GFM1: variants seen among roughly 807,000 people sequenced by gnomAD.
GFM1 encodes the protein elongation factor G, mitochondrial.
GFM1 carries 62 observed loss-of-function variants against 96.2 expected under a neutral mutation model. The observed-to-expected ratio is 0.64, with a 90% confidence interval of 0.53 to 0.80. GFM1 has a LOEUF of 0.80. Among genes scored for constraint, GFM1 ranks in the 30% least tolerant of loss-of-function variants. The probability of loss-of-function intolerance (pLI) is 0.00; values close to 1 mark genes in which losing one functional copy is unlikely to be tolerated. For missense variants in GFM1, 852 were observed against 916.6 expected, an observed-to-expected ratio of 0.93 and a Z score of 0.91; for synonymous variants, 282 against 312.9, an observed-to-expected ratio of 0.90 and a Z score of 1.04.
chr3:158,646,924 A>G lies in GFM1; in HGVS notation c.549A>G (p.Pro183=). ...AATTGGACCGAATGGGCTCCAACCC[A>G]GCCAGGGCCCTGCAGCAAATGAGGT... is the stretch of plus-strand genomic sequence containing the variant. The part of the protein sequence containing the change: ...INKLDRMGSN[P]ARALQQMRSK... Residue 183 remains proline, a synonymous_variant, in exon 4 of 18, where the codon CCA becomes CCG. Coordinates refer to ENST00000486715, the MANE Select transcript of GFM1 (RefSeq NM_024996.7). The G allele has an allele frequency of 6.2e-7, 1 of 1,614,138 alleles. No individual in the cohort carries two copies. Among genetic ancestry groups the G allele is most frequent in the Non-Finnish European group, 8.5e-7 (1 of 1,179,984 alleles).
At position 158,691,918 on chromosome 3, in the gene GFM1, TTTG is replaced by T. The variant is rs367730845; in HGVS notation, c.*454_*456del. 0.17 allele frequency: 29,626 copies of T among 171,942 alleles called. 2,646 individuals are homozygous for T. Among genetic ancestry groups the T allele is most frequent in the Non-Finnish European group, 0.21 (16,627 of 80,158 alleles). 10.7% of individuals were successfully genotyped at this position (171,942 alleles called of 1,614,324 possible). A position where few individuals can be genotyped will look rare whatever the true frequency, so the allele number is the denominator to read the frequency against. On this transcript the variant is annotated 3_prime_UTR_variant, in exon 18 of 18. Coordinates refer to ENST00000486715, the MANE Select transcript of GFM1 (RefSeq NM_024996.7). ...TAACGGGTTGTTTATCATATAATAA[TTTG>T]TTTTGTCATATTTGCTTTCACTGTC...
chr3:158,681,186 A>G (rs576024997), intron 13 of GFM1, among the ~76,000 whole-genome samples: 1 of 152,268 alleles, frequency 6.6e-6, no homozygotes, highest in Non-Finnish European at 1.5e-5. Context: ...GCAGTCATTA[A>G]TGTCTATTTT....
chr3:158,655,093 A>G (rs1460122389), intron 8 of GFM1, among the ~76,000 whole-genome samples: 5 of 152,334 alleles, frequency 3.3e-5, no homozygotes, highest in Admixed American at 3.3e-4. Flanking sequence ...TAAGGAACTA[A>G]TGAAGGGTAG....
In GFM1 at chr3:158,684,740, GT is replaced by G; in HGVS notation, c.1909+76del. 2.0e-6 allele frequency: 3 copies of G among 1,513,970 alleles called. No homozygotes were observed. The East Asian group carries it at 6.8e-5, about 34-fold the overall frequency. The allele number at this position is 1,513,970 out of a possible 1,614,324, so 93.8% of individuals were successfully genotyped here. On this transcript the variant is annotated intron_variant, in intron 15 of 17. Transcript: ENST00000486715. Reference sequence around the variant, plus strand: ...CATCATAGCCTCAGAAGGCAACACTGTTTTCAGTCTTCTTCACCCAGAGCAC... The same window carrying G: ...CATCATAGCCTCAGAAGGCAACACTGTTTCAGTCTTCTTCACCCAGAGCAC...
At chr3:158,660,802 G>A in intron 9 of GFM1, 72 bp from the exon 10 acceptor site, 1 of 1,270,088 alleles carries the variant, frequency 7.9e-7, no homozygotes, top group Non-Finnish European at 1.2e-6. Flanking sequence ...GTACTGTACA[G>A]TTTACTTTTT....
chr3:158,691,208 C>T lies in GFM1; in HGVS notation c.2124+16C>T, dbSNP rs1221306238. 2.5e-6 allele frequency: 4 copies of T among 1,610,064 alleles called. No individual in the cohort carries two copies. Among genetic ancestry groups the T allele is most frequent in the Non-Finnish European group, 3.4e-6 (4 of 1,176,418 alleles). ...ATGCACAGAGGTAGGCAAATTTAAA[C>T]TTACCCTTCAAAAGACCACCCTACA... is the stretch of plus-strand genomic sequence containing the variant. On this transcript the variant is annotated intron_variant, in intron 17 of 17. Transcript: ENST00000486715.
At chr3:158,666,707 G>A in intron 13 of GFM1, 18 of 1,613,972 alleles carry the variant, frequency 1.1e-5, no homozygotes, top group Non-Finnish European at 1.5e-5. Context: ...GCCGTATTGT[G>A]GATGCCAGAG....
At chr3:158,663,526 A>T (rs1723364195) in intron 11 of GFM1, among the ~76,000 whole-genome samples, 1 of 152,218 alleles carries the variant, frequency 6.6e-6, no homozygotes, top group Non-Finnish European at 1.5e-5. Flanking sequence ...ACCTTTTCTC[A>T]ATATAGAAAA....
intron 7 of GFM1, 60 bp from the exon 8 acceptor site, chr3:158,654,487 T>C (rs1722578258): frequency 3.9e-6 from 4 of 1,026,090 alleles, no homozygotes; most frequent in Admixed American, 3.7e-5. Context: ...ATGAAATAAA[T>C]TGATATAAAA....
In GFM1 at chr3:158,673,493, T is replaced by TTTTTC. The variant is rs200646996; in HGVS notation, c.1601+7122_1601+7126dup. On this transcript the variant is annotated intron_variant, in intron 13 of 17. Transcript: ENST00000486715. The stretch of plus-strand genomic sequence containing the variant: ...TCTTCGCTGCCTGGATTGAGACCTT[T>TTTTTC]TTTTCTTTTCTTTTCTTTTTTTTTT... 3.5e-3 allele frequency among the ~76,000 whole-genome samples: 490 copies of TTTTTC among 139,338 alleles called. 3 individuals are homozygous for TTTTTC. The highest frequency in any genetic ancestry group is 0.011 in the Middle Eastern group (3 of 262). The allele number at this position is 139,338 out of a possible 152,430, so 91.4% of individuals were successfully genotyped here.
At position 158,653,393 on chromosome 3, in the gene GFM1, T is replaced by G. The variant is rs376636675; in HGVS notation, c.924T>G (p.Pro308=). The change falls in exon 7 of 18, where the codon CCT becomes CCG. Residue 308 remains proline (P), a synonymous_variant. Transcript: ENST00000486715. ...GSALKNKGVQ[P]LLDAVLEYLP... ...CCTTGAAGAACAAAGGAGTTCAGCC[T>G]CTTTTAGATGCTGTTTTAGAATACC... is the stretch of plus-strand genomic sequence containing the variant. 3 of 1,613,102 alleles carry G rather than the reference T, an allele frequency of 1.9e-6. No individual in the cohort carries two copies. In the African/African-American group the frequency reaches 4.0e-5, roughly 21 times the overall value.
At chr3:158,679,043 C>G (rs1725146201) in intron 13 of GFM1, among the ~76,000 whole-genome samples, 1 of 152,202 alleles carries the variant, frequency 6.6e-6, no homozygotes, top group Non-Finnish European at 1.5e-5. Context: ...CCACCTCAAC[C>G]TGCAGCAGCC....
chr3:158,682,328 G>A lies in GFM1; in HGVS notation c.1764+171G>A, dbSNP rs911508392. On this transcript the variant is annotated intron_variant, in intron 14 of 17. Transcript: ENST00000486715. The stretch of plus-strand genomic sequence containing the variant: ...TGATTTAGAATCTCTAATTCATTAA[G>A]CAGAAGAGCTGTAAATCCATGCTGT... 4.9e-6 allele frequency: 3 copies of A among 610,182 alleles called. No individual in the cohort carries two copies. In the African/African-American group the frequency reaches 5.5e-5, roughly 11 times the overall value. The allele number at this position is 610,182 out of a possible 1,614,324, so 37.8% of individuals were successfully genotyped here. A position where few individuals can be genotyped will look rare whatever the true frequency, so the allele number is the denominator to read the frequency against.
intron 5 of GFM1, among the ~76,000 whole-genome samples, chr3:158,651,563 A>G (rs1474980044): frequency 6.6e-6 from 1 of 152,252 alleles, no homozygotes; most frequent in Non-Finnish European, 1.5e-5. Context: ...TATTCAGTAA[A>G]TGGATGCTGT....
chr3:158,669,409 G>A (rs1560137595), intron 13 of GFM1: 1 of 1,582,330 alleles, frequency 6.3e-7, no homozygotes, highest in Non-Finnish European at 8.6e-7. Context: ...TCAAACAAAT[G>A]GTTTTCATGC....
At chr3:158,656,005 G>T in intron 8 of GFM1, 1 of 439,620 alleles carries the variant, frequency 2.3e-6, no homozygotes, top group Non-Finnish European at 4.6e-6. Context: ...CCTCAATTTG[G>T]GTTTATTATT....
At position 158,644,700 on chromosome 3, in the gene GFM1, C is replaced by G. The variant is rs773603488; in HGVS notation, c.66C>G (p.Gly22=). 3.2e-6 allele frequency: 5 copies of G among 1,577,686 alleles called. No individual in the cohort carries two copies. The Admixed American group carries it at 7.5e-5, about 24-fold the overall frequency. ...GCGGAAGGGCCCCCGCCTCCCTAGG[C>G]TGGCAGAGGAAGCAGGTACCGGAGC... is the stretch of plus-strand genomic sequence containing the variant. ...LGRGRAPASL[G]WQRKQVNWKA... Residue 22 remains glycine, a synonymous_variant, in exon 1 of 18, where the codon GGC becomes GGG. Transcript: ENST00000486715.
chr3:158,668,166 G>A (rs1446339852), intron 13 of GFM1, among the ~76,000 whole-genome samples: 1 of 152,136 alleles, frequency 6.6e-6, no homozygotes, highest in African/African-American at 2.4e-5. Context: ...ATTCCCCTCA[G>A]ATACCAAAAT....
chr3:158,644,837 C>G (rs753846091), intron 1 of GFM1, 122 bp downstream of exon 1: 1 of 826,016 alleles, frequency 1.2e-6, no homozygotes, highest in African/African-American at 1.7e-5. Flanking sequence ...TACTGGCAGT[C>G]GCTCGTCAGT....
Sources: allele counts gnomAD v4.1 joint callset (sites outside exome capture counted in the v4.1 genomes callset), GRCh38; gene constraint gnomAD v4.1.1; transcripts MANE v1.5; gene names NCBI Gene and HGNC (gene_info 2026-07-23, HGNC 2026-07-21).